SGCZ: variants seen among roughly 807,000 people sequenced by gnomAD.
SGCZ encodes zeta-sarcoglycan.
SGCZ carries 40 observed loss-of-function variants against 41.3 expected under a neutral mutation model. The observed-to-expected ratio is 0.97, with a 90% CI of 0.75 to 1.26. SGCZ has a LOEUF of 1.26. Among genes scored for constraint, SGCZ ranks in the 50% most tolerant of loss-of-function variants. The pLI is 0.00. For synonymous variants in SGCZ, 206 were observed against 137.5 expected (o/e 1.50, Z -3.49); for missense variants, 552 against 369.8 (o/e 1.49, Z -4.04).
Position 14,929,708 on chromosome 8 carries a change from C to G in SGCZ, c.39+307877G>C, listed in dbSNP as rs551430611. 3.9e-4 allele frequency among the ~76,000 whole-genome samples: 59 copies of G among 152,076 alleles called. 4 individuals are homozygous for G. Among genetic ancestry groups the G allele is most frequent in the African/African-American group, 1.3e-3 (54 of 41,388 alleles). On this transcript the variant is annotated intron_variant, in intron 1 of 7. Transcript: ENST00000382080. ...GTCAGAGATAAACTAGGTATAAAAT[C>G]CACAGCTGACAGCAGTGGTATGAAT...
rs145603674 is a variant in SGCZ at position 14,923,737 on chromosome 8, G to C, written c.39+313848C>G. 4.1e-3 allele frequency among the ~76,000 whole-genome samples: 621 copies of C among 152,290 alleles called. 4 individuals are homozygous for C. Among genetic ancestry groups the C allele is most frequent in the African/African-American group, 0.014 (597 of 41,546 alleles). On this transcript the variant is annotated intron_variant, in intron 1 of 7. Transcript: ENST00000382080. Reference sequence around the variant, plus strand: ...AAGCTCATTCTTTGCCGTATGCTTAGAGGCTATTGTTTATTTTTTAAATTC... The same window carrying C: ...AAGCTCATTCTTTGCCGTATGCTTACAGGCTATTGTTTATTTTTTAAATTC...
chr8:15,161,908 A>G (rs1799522201), intron 1 of SGCZ, among the ~76,000 whole-genome samples: 1 of 152,092 alleles, frequency 6.6e-6, no homozygotes. Flanking sequence ...GGGGGTGCAC[A>G]CCTGTAGTCC....
At chr8:14,990,901 C>T (rs892422051) in intron 1 of SGCZ, among the ~76,000 whole-genome samples, 20 of 152,048 alleles carry the variant, frequency 1.3e-4, no homozygotes, top group Admixed American at 3.9e-4. Flanking sequence ...GATCCTGTTA[C>T]TCCCAACCCA....
chr8:15,112,194 C>T (rs189531906), intron 1 of SGCZ, among the ~76,000 whole-genome samples: 1 of 152,202 alleles, frequency 6.6e-6, no homozygotes, highest in African/African-American at 2.4e-5. Context: ...ATAGTTGAAA[C>T]CTAACATAAA....
At chr8:14,980,599 C>G (rs1801627874) in intron 1 of SGCZ, among the ~76,000 whole-genome samples, 1 of 152,114 alleles carries the variant, frequency 6.6e-6, no homozygotes, top group Admixed American at 6.6e-5. Context: ...CAAGTCACGT[C>G]TTACGTGAAT....
intron 1 of SGCZ, among the ~76,000 whole-genome samples, chr8:14,927,706 G>A (rs1026845099): frequency 6.6e-6 from 1 of 152,128 alleles, no homozygotes; most frequent in African/African-American, 2.4e-5. Flanking sequence ...TCTTCTTAAT[G>A]CAGTAAAACA....
chr8:14,899,112 G>A (rs537154890), intron 1 of SGCZ, among the ~76,000 whole-genome samples: 4 of 151,874 alleles, frequency 2.6e-5, no homozygotes, highest in Admixed American at 2.0e-4. Flanking sequence ...GAGGACAATC[G>A]CATAATAGCT....
chr8:14,461,336 A>G (rs1800896198), intron 2 of SGCZ, among the ~76,000 whole-genome samples: 1 of 152,242 alleles, frequency 6.6e-6, no homozygotes, highest in South Asian at 2.1e-4. Context: ...CACAATGAAT[A>G]TAGCTTACCC....
intron 2 of SGCZ, among the ~76,000 whole-genome samples, chr8:14,553,260 A>C (rs1326081763): frequency 1.3e-5 from 2 of 151,950 alleles, no homozygotes; most frequent in Non-Finnish European, 2.9e-5. Flanking sequence ...AAGTGAGCCA[A>C]CTCTTAGACA....
intron 2 of SGCZ, among the ~76,000 whole-genome samples, chr8:14,525,446 T>A (rs1321541479): frequency 2.0e-5 from 3 of 152,182 alleles, no homozygotes; most frequent in Non-Finnish European, 4.4e-5. Flanking sequence ...TACTTTGTTT[T>A]CATCTTTCGG....
chr8:14,233,266 T>C (rs75755669), intron 4 of SGCZ, among the ~76,000 whole-genome samples: 1,869 of 152,078 alleles, frequency 0.012, 19 homozygotes, highest in South Asian at 0.028. Context: ...AAATAAAAGA[T>C]ATTTTGTAAT....
chr8:14,674,301 T>G (rs1808202231), intron 1 of SGCZ, among the ~76,000 whole-genome samples: 1 of 152,142 alleles, frequency 6.6e-6, no homozygotes, highest in Admixed American at 6.5e-5. Flanking sequence ...TTAAGGAAAC[T>G]ATTTCTTTTC....
intron 1 of SGCZ, among the ~76,000 whole-genome samples, chr8:15,094,721 T>C (rs1469123639): frequency 6.6e-6 from 1 of 152,156 alleles, no homozygotes; most frequent in Non-Finnish European, 1.5e-5. Context: ...CAGGTGAAGA[T>C]AATTGAATCA....
chr8:14,461,257 G>A (rs1299586858), intron 2 of SGCZ, among the ~76,000 whole-genome samples: 1 of 152,052 alleles, frequency 6.6e-6, no homozygotes, highest in Non-Finnish European at 1.5e-5. Context: ...TAGTCCCACA[G>A]GAAATATCCT....
intron 1 of SGCZ, among the ~76,000 whole-genome samples, chr8:14,755,583 T>C (rs1799638992): frequency 6.6e-6 from 1 of 152,204 alleles, no homozygotes; most frequent in African/African-American, 2.4e-5. Flanking sequence ...TGACCTTTGA[T>C]AAGCTTTTAT....
rs147102831 is a variant in SGCZ at position 14,899,660 on chromosome 8, G to T, written c.39+337925C>A. 2.2e-4 allele frequency among the ~76,000 whole-genome samples: 33 copies of T among 152,198 alleles called. 1 individual carries two copies. The East Asian group carries it at 6.4e-3, about 30-fold the overall frequency. On this transcript the variant is annotated intron_variant, in intron 1 of 7. Transcript: ENST00000382080. ...CACTACCTGATCCCGAAGGCATATT[G>T]GTTTAAGTAATACAATCAGGTTCTT... is the stretch of plus-strand genomic sequence containing the variant.
chr8:14,330,811 T>C (rs1174153781), intron 2 of SGCZ, among the ~76,000 whole-genome samples: 4 of 151,848 alleles, frequency 2.6e-5, no homozygotes, highest in African/African-American at 9.7e-5. Flanking sequence ...TGGCATGAAA[T>C]TAAGAAAATA....
chr8:15,014,656 C>G (rs1802956831), intron 1 of SGCZ, among the ~76,000 whole-genome samples: 1 of 152,130 alleles, frequency 6.6e-6, no homozygotes, highest in African/African-American at 2.4e-5. Context: ...CCAAAACACC[C>G]TTCACATTTG....
At chr8:14,186,976 C>A (rs1431172769) in intron 4 of SGCZ, among the ~76,000 whole-genome samples, 1 of 151,996 alleles carries the variant, frequency 6.6e-6, no homozygotes, top group East Asian at 1.9e-4. Flanking sequence ...CAATTCATGC[C>A]CCAGATCATT....
Sources: allele counts gnomAD v4.1 joint callset (sites outside exome capture counted in the v4.1 genomes callset), GRCh38; gene constraint gnomAD v4.1.1; transcripts MANE v1.5; gene names NCBI Gene and HGNC (gene_info 2026-07-23, HGNC 2026-07-21).